OSBPL6: variants seen among roughly 807,000 people sequenced by gnomAD.
OSBPL6 encodes the protein oxysterol-binding protein-related protein 6.
Under a neutral mutation model 125.8 loss-of-function variants are expected in OSBPL6, and 49 were observed. The observed-to-expected ratio is 0.39, with a 90% CI of 0.31 to 0.49. OSBPL6 has a LOEUF of 0.49. Ranked by LOEUF, OSBPL6 falls within the 20% of genes least tolerant of loss-of-function variation. The pLI is 0.88. For missense variants in OSBPL6, 986 were observed against 1,135.4 expected (o/e 0.87, Z 1.89); for synonymous variants, 394 against 391.8 (o/e 1.01, Z -0.07).
intron 1 of OSBPL6, among the ~76,000 whole-genome samples, chr2:178,228,335 A>G (rs917451340): frequency 5.9e-5 from 9 of 152,284 alleles, no homozygotes; most frequent in South Asian, 2.1e-4. Flanking sequence ...GGAGATCGAG[A>G]CCATCCTGGC....
In OSBPL6 at chr2:178,304,625, C is replaced by A. The variant is rs116352229; in HGVS notation, c.-155-1405C>A. On this transcript the variant is annotated intron_variant, in intron 2 of 24. Transcript: ENST00000190611. ...TGGCACTAACCTAGTCACAAGGGCTCCACCCTCATGACCTAAACACCTCCC... is the reference window on the plus strand; with the variant it reads ...TGGCACTAACCTAGTCACAAGGGCTACACCCTCATGACCTAAACACCTCCC... 5.5e-3 allele frequency among the ~76,000 whole-genome samples: 832 copies of A among 152,284 alleles called. 7 individuals are homozygous for A. The highest frequency in any genetic ancestry group is 0.019 in the African/African-American group (770 of 41,538).
intron 1 of OSBPL6, among the ~76,000 whole-genome samples, chr2:178,245,120 A>G (rs2091443661): frequency 6.6e-6 from 1 of 152,160 alleles, no homozygotes; most frequent in Admixed American, 6.5e-5. Context: ...TTTCGTTGAT[A>G]GTGGGTTTCC....
chr2:178,371,401 G>A (rs555900884), intron 13 of OSBPL6, among the ~76,000 whole-genome samples: 148 of 152,284 alleles, frequency 9.7e-4, no homozygotes, highest in Admixed American at 3.3e-3. Flanking sequence ...ATACTAAACC[G>A]TGTTATAGCA....
At chr2:178,357,781 A>G (rs1691943224) in intron 12 of OSBPL6, among the ~76,000 whole-genome samples, 1 of 152,248 alleles carries the variant, frequency 6.6e-6, no homozygotes, top group Non-Finnish European at 1.5e-5. Flanking sequence ...AGACACATGC[A>G]CACATATGTT....
chr2:178,284,777 A>T (rs141814036), intron 1 of OSBPL6, 150 bp from the exon 2 acceptor site: 1 of 352,590 alleles, frequency 2.8e-6, no homozygotes, highest in Admixed American at 4.7e-5. Context: ...TGAACAAAGG[A>T]GATAAAAAGC....
intron 1 of OSBPL6, among the ~76,000 whole-genome samples, chr2:178,212,214 A>T (rs2089894540): frequency 6.6e-6 from 1 of 152,134 alleles, no homozygotes; most frequent in South Asian, 2.1e-4. Flanking sequence ...TGTCATGCTA[A>T]TGGGGAGGAT....
In OSBPL6 at chr2:178,401,362, C is replaced by G. The variant is rs1272591320; in HGVS notation, c.*5803C>G. 3 of 152,196 alleles carry G rather than the reference C, an allele frequency of 2.0e-5. No homozygotes were observed. The highest frequency in any genetic ancestry group is 7.2e-5 in the African/African-American group (3 of 41,440). 9.4% of individuals were successfully genotyped at this position (152,196 alleles called of 1,614,324 possible). ...CAATTCTGCTAATATCCTCTCTCCC[C>G]ATCTGGAAACAAAGTTACTAAACCT... On this transcript the variant is annotated 3_prime_UTR_variant, in exon 25 of 25. Transcript: ENST00000190611.
chr2:178,194,456 G>A (rs2088727194), upstream of OSBPL6: 1 of 152,012 alleles, frequency 6.6e-6, no homozygotes, highest in Non-Finnish European at 1.5e-5. Flanking sequence ...CCGTGGGAGA[G>A]GAGGGGCTGC....
chr2:178,374,410 A>G lies in OSBPL6; in HGVS notation c.1533+383A>G, dbSNP rs907322234. Among the ~76,000 whole-genome samples the G allele has an allele frequency of 3.9e-5, 6 of 152,352 alleles. No homozygotes were observed. The South Asian group carries it at 1.2e-3, about 32-fold the overall frequency. ...AAGCACCGTTCATGCGCATACACAG[A>G]CACATACATATTAGATATTTTTGCT... is the stretch of plus-strand genomic sequence containing the variant. On this transcript the variant is annotated intron_variant, in intron 15 of 24. Coordinates refer to ENST00000190611, the MANE Select transcript of OSBPL6 (RefSeq NM_032523.4).
At chr2:178,382,601 C>G (rs747022467) in intron 16 of OSBPL6, 94 bp downstream of exon 16, 1 of 1,562,904 alleles carries the variant, frequency 6.4e-7, no homozygotes, top group African/African-American at 1.4e-5. Flanking sequence ...CCACGCCACC[C>G]CCACCCCTGC....
intron 1 of OSBPL6, among the ~76,000 whole-genome samples, chr2:178,267,353 C>CAAA (rs57444695): frequency 2.9e-4 from 24 of 81,706 alleles, no homozygotes; most frequent in African/African-American, 5.1e-4. Flanking sequence ...AACTCCATCT[C>CAAA]AAAAAAAAAA....
At chr2:178,215,414 G>A (rs334024) in intron 1 of OSBPL6, among the ~76,000 whole-genome samples, 90,196 of 152,036 alleles carry the variant, frequency 0.59, 29,534 homozygotes, top group African/African-American at 0.89. Context: ...TATCACAGCA[G>A]ACATTTACTG....
chr2:178,322,940 T>TA (rs1482354693), intron 3 of OSBPL6, among the ~76,000 whole-genome samples: 2 of 149,602 alleles, frequency 1.3e-5, no homozygotes, highest in Admixed American at 1.3e-4. Flanking sequence ...AAAAAACCTT[T>TA]AAAAAAAATC....
At chr2:178,394,283 A>G (rs775497088) in intron 23 of OSBPL6, 30 bp from the exon 24 acceptor site, 3 of 1,600,866 alleles carry the variant, frequency 1.9e-6, no homozygotes, top group East Asian at 2.2e-5. Flanking sequence ...AGAGGATAAT[A>G]TGTTAAAATA....
intron 2 of OSBPL6, among the ~76,000 whole-genome samples, chr2:178,289,049 G>C (rs13024959): frequency 7.4e-6 from 1 of 134,618 alleles, no homozygotes; most frequent in Admixed American, 7.7e-5. Context: ...ACAGAGTCTC[G>C]CTCTGTCACC....
Position 178,367,187 on chromosome 2 carries a change from G to GA in OSBPL6, c.1288-4930dup, listed in dbSNP as rs201133122. On this transcript the variant is annotated intron_variant, in intron 13 of 24. Transcript: ENST00000190611. ...TTAAACAATATTAAAAAATACAGAG[G>GA]AAAAAAAAACTAGAAAGAAATGGGC... is the stretch of plus-strand genomic sequence containing the variant. Among the ~76,000 whole-genome samples, 1,019 of 150,658 alleles carry GA rather than the reference G, an allele frequency of 6.8e-3. 12 individuals are homozygous for GA. The highest frequency in any genetic ancestry group is 0.024 in the African/African-American group (966 of 41,054).
In OSBPL6 at chr2:178,398,521, T is replaced by G. The variant is rs1301356065; in HGVS notation, c.*2962T>G. ...GCTGTCACCCAGGGTGCAGATTTAC[T>G]CTCTTTTGCTGTTATTTTATTGTTT... is the stretch of plus-strand genomic sequence containing the variant. On this transcript the variant is annotated 3_prime_UTR_variant, in exon 25 of 25. Coordinates refer to ENST00000190611, the MANE Select transcript of OSBPL6 (RefSeq NM_032523.4). 6.6e-6 allele frequency: 1 copy of G among 152,208 alleles called. No individual in the cohort carries two copies. Among genetic ancestry groups the G allele is most frequent in the Admixed American group, 6.5e-5 (1 of 15,270 alleles). The allele number at this position is 152,208 out of a possible 1,614,324, so 9.4% of individuals were successfully genotyped here.
chr2:178,208,077 G>C (rs1337118939), intron 1 of OSBPL6, among the ~76,000 whole-genome samples: 2 of 152,094 alleles, frequency 1.3e-5, no homozygotes, highest in Non-Finnish European at 2.9e-5. Context: ...CTGAGGTCAG[G>C]AGTTCGAGAC....
In OSBPL6 at chr2:178,400,861, A is replaced by T. The variant is rs2154122964; in HGVS notation, c.*5302A>T. ...GGGATTTTTCTAGAAGGCCACGTGC[A>T]TATGCACCCTCCCCTTCCATTACCC... On this transcript the variant is annotated 3_prime_UTR_variant, in exon 25 of 25. Coordinates refer to ENST00000190611, the MANE Select transcript of OSBPL6 (RefSeq NM_032523.4). 6.6e-6 allele frequency: 1 copy of T among 152,358 alleles called. No individual in the cohort carries two copies. Among genetic ancestry groups the T allele is most frequent in the East Asian group, 1.9e-4 (1 of 5,176 alleles). 9.4% of individuals were successfully genotyped at this position (152,358 alleles called of 1,614,324 possible).
Sources: allele counts gnomAD v4.1 joint callset (sites outside exome capture counted in the v4.1 genomes callset), GRCh38; gene constraint gnomAD v4.1.1; transcripts MANE v1.5; gene names NCBI Gene and HGNC (gene_info 2026-07-23, HGNC 2026-07-21).